Variants in NOSTRIN observed in about 807,000 individuals in gnomAD.
NOSTRIN encodes BM247 homolog.
Under a neutral mutation model 59.0 loss-of-function variants are expected in NOSTRIN, and 63 were observed. The ratio of observed to expected loss-of-function variants is 1.07; its 90% CI spans 0.87 to 1.32. The LOEUF (loss-of-function observed/expected upper bound fraction) is 1.32. Among genes scored for constraint, NOSTRIN ranks in the 40% most tolerant of loss-of-function variants. The probability of loss-of-function intolerance (pLI) is 0.00; values close to 1 mark genes in which losing one functional copy is unlikely to be tolerated. For missense variants in NOSTRIN, 512 were observed against 473.1 expected (o/e 1.08, Z -0.76); for synonymous variants, 200 against 165.4 (o/e 1.21, Z -1.61).
chr2:168,828,137 C>T (rs1324357432), intron 3 of NOSTRIN, 21 bp from the exon 4 acceptor site: 3 of 872,606 alleles, frequency 3.4e-6, no homozygotes, highest in African/African-American at 1.6e-5. Context: ...ACCTTTGTTC[C>T]CCACTTTTTT....
chr2:168,823,312 G>A (rs778405014), intron 2 of NOSTRIN, among the ~76,000 whole-genome samples: 39 of 152,266 alleles, frequency 2.6e-4, no homozygotes, highest in Non-Finnish European at 5.0e-4. Context: ...CACCGCGCCC[G>A]GCCAGTTGCA....
At chr2:168,851,230 G>T (rs748092188) in intron 9 of NOSTRIN, 48 bp downstream of exon 9, 1 of 1,613,990 alleles carries the variant, frequency 6.2e-7, no homozygotes. Context: ...GTAAGAAGGG[G>T]CAGAAACCTT....
intron 7 of NOSTRIN, among the ~76,000 whole-genome samples, chr2:168,834,566 TA>T (rs1489726211): frequency 2.0e-5 from 3 of 147,020 alleles, no homozygotes; most frequent in Non-Finnish European, 3.0e-5. Context: ...AACTTTATTT[TA>T]ATTCTTTTAA....
intron 7 of NOSTRIN, among the ~76,000 whole-genome samples, chr2:168,840,240 A>G (rs1687993742): frequency 6.6e-6 from 1 of 152,012 alleles, no homozygotes; most frequent in Non-Finnish European, 1.5e-5. Context: ...GTACAAAACC[A>G]GATATGTCAG....
chr2:168,810,639 G>A (rs1686080484), intron 1 of NOSTRIN, among the ~76,000 whole-genome samples: 1 of 152,178 alleles, frequency 6.6e-6, no homozygotes, highest in Non-Finnish European at 1.5e-5. Flanking sequence ...CATTGTATGA[G>A]CAAAGAACAG....
intron 2 of NOSTRIN, among the ~76,000 whole-genome samples, chr2:168,816,047 C>T (rs1330062560): frequency 6.6e-6 from 1 of 152,192 alleles, no homozygotes; most frequent in Non-Finnish European, 1.5e-5. Context: ...GCAAAACTCT[C>T]TTAAACTATT....
At chr2:168,796,888 C>T (rs1685491897), upstream of NOSTRIN, among the ~76,000 whole-genome samples, 1 of 152,050 alleles carries the variant, frequency 6.6e-6, no homozygotes, top group South Asian at 2.1e-4. Context: ...AACAATATCC[C>T]CTGCCTTGCC....
chr2:168,851,813 G>T (rs2105758165), intron 10 of NOSTRIN, among the ~76,000 whole-genome samples: 1 of 151,982 alleles, frequency 6.6e-6, no homozygotes, highest in Non-Finnish European at 1.5e-5. Context: ...TTATCTCATA[G>T]TTTATGTGGG....
Position 168,851,263 on chromosome 2 carries a change from C to G in NOSTRIN, c.730-16C>G. ...CTTTCTTCGACAACCTTATTCTGTT[C>G]CCCTTGGCATTGCAGTGCCACACGC... On this transcript the variant is annotated splice_polypyrimidine_tract_variant and intron_variant, in intron 9 of 15. Transcript: ENST00000317647. The G allele has an allele frequency of 6.2e-7, 1 of 1,613,716 alleles. No homozygotes were observed. The highest frequency in any genetic ancestry group is 8.5e-7 in the Non-Finnish European group (1 of 1,179,922).
At chr2:168,834,507 G>GCGCGCACACACACACACACA (rs756381301) in intron 7 of NOSTRIN, among the ~76,000 whole-genome samples, 182 bp downstream of exon 7, 52 of 125,418 alleles carry the variant, frequency 4.1e-4, no homozygotes, top group East Asian at 1.2e-3. Context: ...GCGCGCGCGC[G>GCGCGCACACACACACACACA]CACACACACA....
intron 1 of NOSTRIN, among the ~76,000 whole-genome samples, chr2:168,787,457 T>C (rs1685234992): frequency 6.6e-6 from 1 of 152,254 alleles, no homozygotes; most frequent in African/African-American, 2.4e-5. Context: ...TAGAAGTTAG[T>C]CTTCCCAGAA....
At chr2:168,850,995 GT>G (rs1403499029) in intron 8 of NOSTRIN, 88 bp from the exon 9 acceptor site, 2 of 890,968 alleles carry the variant, frequency 2.2e-6, no homozygotes, top group African/African-American at 3.2e-5. Flanking sequence ...ACTTTGTTCA[GT>G]CTGTCTTCAG....
rs192933209 is a variant in NOSTRIN, at chr2:168,822,393, A to G, written c.114-2241A>G. On this transcript the variant is annotated intron_variant, in intron 2 of 15. Transcript: ENST00000317647. Reference sequence around the variant, plus strand: ...TTTAGCAATAGATCAATAGCCCATCATCTCTGAATTTCATTTTATAGAAGA... The same window carrying G: ...TTTAGCAATAGATCAATAGCCCATCGTCTCTGAATTTCATTTTATAGAAGA... 5.5e-4 allele frequency among the ~76,000 whole-genome samples: 84 copies of G among 152,350 alleles called. 1 individual carries two copies. Among genetic ancestry groups the G allele is most frequent in the African/African-American group, 2.0e-3 (82 of 41,586 alleles).
At chr2:168,802,771 A>G (rs1574252703) in intron 1 of NOSTRIN, 98 bp downstream of exon 1, 2 of 812,320 alleles carry the variant, frequency 2.5e-6, no homozygotes, top group South Asian at 1.4e-5. Flanking sequence ...TGAGACACTC[A>G]GAAACCAAAC....
chr2:168,859,866 A>G (rs1689336212), intron 13 of NOSTRIN, among the ~76,000 whole-genome samples: 1 of 152,206 alleles, frequency 6.6e-6, no homozygotes, highest in Non-Finnish European at 1.5e-5. Flanking sequence ...GCTAAAAAAC[A>G]CTTTTGATTT....
intron 12 of NOSTRIN, chr2:168,859,303 A>T: frequency 1.7e-6 from 1 of 575,540 alleles, no homozygotes; most frequent in Non-Finnish European, 2.9e-6. Context: ...ACAGAATGAG[A>T]CACACTCAAC....
rs1037908994 is a variant in NOSTRIN at position 168,848,274 on chromosome 2, G to C, written c.631-2810G>C. On this transcript the variant is annotated intron_variant, in intron 8 of 15. Coordinates refer to ENST00000317647, the MANE Select transcript of NOSTRIN (RefSeq NM_001039724.4). Reference sequence around the variant, plus strand: ...TTAATCCTTTATCTGGGAGACAGAAGGGCAGACGGCCACATTCAAATGACT... The same window carrying C: ...TTAATCCTTTATCTGGGAGACAGAACGGCAGACGGCCACATTCAAATGACT... Among the ~76,000 whole-genome samples, 4 of 152,242 alleles carry C rather than the reference G, an allele frequency of 2.6e-5. 1 individual carries two copies. The South Asian group carries it at 8.3e-4, about 31-fold the overall frequency.
intron 15 of NOSTRIN, among the ~76,000 whole-genome samples, chr2:168,862,471 A>G (rs581363): frequency 0.82 from 124,380 of 152,166 alleles, 50,877 homozygotes; most frequent in East Asian, 0.9. Context: ...GTGATTAGAG[A>G]TGTACCCCAC....
intron 7 of NOSTRIN, among the ~76,000 whole-genome samples, 182 bp downstream of exon 7, chr2:168,834,507 G>GCGCGTGCGCACACACACA (rs756381301): frequency 8.0e-6 from 1 of 125,342 alleles, no homozygotes; most frequent in Non-Finnish European, 1.7e-5. Flanking sequence ...GCGCGCGCGC[G>GCGCGTGCGCACACACACA]CACACACACA....
Sources: gnomAD v4.1 joint callset for allele counts (sites outside exome capture counted in the v4.1 genomes callset) on GRCh38, gnomAD v4.1.1 for gene constraint, MANE v1.5 for transcripts, NCBI Gene and HGNC (gene_info 2026-07-23, HGNC 2026-07-21) for gene names.